The following PNPO variants were observed in gnomAD, a reference collection of about 807,000 sequenced individuals.
The protein encoded by PNPO is pyridoxine-5'-phosphate oxidase.
PNPO carries 39 observed loss-of-function variants against 35.0 expected under a neutral mutation model. The ratio of observed to expected loss-of-function variants is 1.11; its 90% CI spans 0.86 to 1.45. PNPO has a LOEUF of 1.45. Ranked by LOEUF, PNPO falls within the 40% of genes most tolerant of loss-of-function variation. The probability of loss-of-function intolerance (pLI) is 0.00; values close to 1 mark genes in which losing one functional copy is unlikely to be tolerated. For missense variants in PNPO, 288 were observed against 340.0 expected (o/e 0.85, Z 1.20); for synonymous variants, 115 against 119.8 (o/e 0.96, Z 0.26).
Position 47,943,564 on chromosome 17 carries a change from T to C in PNPO, c.263+134T>C, listed in dbSNP as rs2035971154. The C allele has an allele frequency of 2.8e-6, 3 of 1,079,110 alleles. No individual in the cohort carries two copies. In the Admixed American group the frequency reaches 6.0e-5, roughly 21 times the overall value. 66.8% of individuals were successfully genotyped at this position (1,079,110 alleles called of 1,614,324 possible). On this transcript the variant is annotated intron_variant, in intron 2 of 6. Transcript: ENST00000642017. ...TGCTCTGTGGCTTTAGGCAAGATAC[T>C]TGTCCTCTCTGGGCCTGTGTCCTTA...
rs758202034 is a variant in PNPO, at chr17:47,946,610, A to G, written c.618-4A>G. ...AGCACTGAAACCTCTGCTTCTCCTT[A>G]TAGGGGTGGCTATGTCCTGTACCCT... On this transcript the variant is annotated splice_region_variant and splice_polypyrimidine_tract_variant and intron_variant, in intron 6 of 6. Coordinates refer to ENST00000642017, the MANE Select transcript of PNPO (RefSeq NM_018129.4). 1.2e-5 allele frequency: 20 copies of G among 1,613,918 alleles called. No homozygotes were observed. The East Asian group carries it at 2.9e-4, about 23-fold the overall frequency.
chr17:47,947,730 T>C lies in PNPO; in HGVS notation c.*948T>C, dbSNP rs2036029766. On this transcript the variant is annotated 3_prime_UTR_variant, in exon 7 of 7. Transcript: ENST00000642017. ...TTTTAGTAGAGATGGGGTTTCACCA[T>C]GTTGGCCAGGATTGTCTCCATCTCT... is the stretch of plus-strand genomic sequence containing the variant. 1 of 152,170 alleles carries C rather than the reference T, an allele frequency of 6.6e-6. No individual in the cohort carries two copies. The highest frequency in any genetic ancestry group is 6.5e-5 in the Admixed American group (1 of 15,280). 9.4% of individuals were successfully genotyped at this position (152,170 alleles called of 1,614,324 possible).
At chr17:47,944,817 T>A in intron 3 of PNPO, 102 bp downstream of exon 3, 1 of 924,600 alleles carries the variant, frequency 1.1e-6, no homozygotes, top group Non-Finnish European at 1.8e-6. Flanking sequence ...GTCTACTTGC[T>A]CTCTGTGTGC....
Position 47,945,665 on chromosome 17 carries a change from A to G in PNPO, c.417+53A>G. The G allele has an allele frequency of 6.6e-7, 1 of 1,514,090 alleles. No individual in the cohort carries two copies. 93.8% of individuals were successfully genotyped at this position (1,514,090 alleles called of 1,614,324 possible). A position where few individuals can be genotyped will look rare whatever the true frequency, so the allele number is the denominator to read the frequency against. ...GGATGGGCTGGGTTGGCAGGGCCTG[A>G]GTTTATGGCTACGTCTAGCGAAGGT... On this transcript the variant is annotated intron_variant, in intron 4 of 6. Coordinates refer to ENST00000642017, the MANE Select transcript of PNPO (RefSeq NM_018129.4). The surrounding 1 kb of genome is among the most constrained non-coding windows in gnomAD (Gnocchi z 4.0).
intron 2 of PNPO, 145 bp downstream of exon 2, chr17:47,943,575 G>T (rs1345936768): frequency 4.1e-6 from 4 of 987,454 alleles, no homozygotes; most frequent in Admixed American, 2.2e-5. Flanking sequence ...TGTCCTCTCT[G>T]GGCCTGTGTC....
rs1421006178 is a variant in PNPO, at chr17:47,946,308, C to G, written c.547-15C>G. ...ACTGGGCCTGGCCCTTCTTCTAACT[C>G]TTCCCCCTGGACAGTATCTGAGAAA... On this transcript the variant is annotated splice_polypyrimidine_tract_variant and intron_variant, in intron 5 of 6. Coordinates refer to ENST00000642017, the MANE Select transcript of PNPO (RefSeq NM_018129.4). 1.3e-6 allele frequency: 2 copies of G among 1,598,494 alleles called. No homozygotes were observed. Among genetic ancestry groups the G allele is most frequent in the African/African-American group, 1.3e-5 (1 of 74,666 alleles).
In PNPO at chr17:47,944,621, G is replaced by A. The variant is rs1489587035; in HGVS notation, c.269G>A (p.Gly90Glu). The A allele has an allele frequency of 3.7e-6, 6 of 1,613,598 alleles. No homozygotes were observed. The highest frequency in any genetic ancestry group is 4.2e-6 in the Non-Finnish European group (5 of 1,179,614). ...GCTCTGCTCTTTGCTCCTAGAGATG[G>A]AAAACCCTCTGCTCGCATGTTGCTG... is the stretch of plus-strand genomic sequence containing the variant. ...AMCLATCTRD[G>E]KPSARMLLLK... The change falls in exon 3 of 7, where the codon GGA becomes GAA. Residue 90 changes from glycine (G) to glutamate (E), a missense_variant. Transcript: ENST00000642017.
chr17:47,945,076 T>G lies in PNPO; in HGVS notation c.363+361T>G, dbSNP rs2035991002. 2 of 394,616 alleles carry G rather than the reference T, an allele frequency of 5.1e-6. No individual in the cohort carries two copies. The highest frequency in any genetic ancestry group is 9.6e-6 in the Non-Finnish European group (2 of 207,896). 24.4% of individuals were successfully genotyped at this position (394,616 alleles called of 1,614,324 possible). A position where few individuals can be genotyped will look rare whatever the true frequency, so the allele number is the denominator to read the frequency against. ...TTCAGTTTGTAACTGAGCATTTGTT[T>G]GGGTGATTATGTAACTGATATTTGT... On this transcript the variant is annotated intron_variant, in intron 3 of 6. Coordinates refer to ENST00000642017, the MANE Select transcript of PNPO (RefSeq NM_018129.4). The surrounding 1 kb of genome is among the most constrained non-coding windows in gnomAD (Gnocchi z 4.0).
chr17:47,946,733 T>A lies in PNPO; in HGVS notation c.737T>A (p.Met246Lys). The A allele has an allele frequency of 6.2e-7, 1 of 1,614,194 alleles. No homozygotes were observed. Among genetic ancestry groups the A allele is most frequent in the Non-Finnish European group, 8.5e-7 (1 of 1,180,008 alleles). Residue 246 changes from methionine to lysine, a missense_variant, in exon 7 of 7, where the codon ATG becomes AAG. By Grantham distance (95) the Met-to-Lys change is moderately conservative (BLOSUM62 -1). Coordinates refer to ENST00000642017, the MANE Select transcript of PNPO (RefSeq NM_018129.4). The part of the protein sequence containing the change: ...LPTGDSPLGP[M>K]THRGEEDWLY... ...ACAGGAGATTCCCCTTTGGGGCCCATGACCCACCGCGGGGAGGAAGACTGG... is the reference window on the plus strand; with the variant it reads ...ACAGGAGATTCCCCTTTGGGGCCCAAGACCCACCGCGGGGAGGAAGACTGG...
rs1423987420 is a variant in PNPO, at chr17:47,944,679, C to G, written c.327C>G (p.Phe109Leu). 2.5e-6 allele frequency: 4 copies of G among 1,614,148 alleles called. No individual in the cohort carries two copies. In the South Asian group the frequency reaches 3.3e-5, roughly 13 times the overall value. ...LKGFGKDGFR[F>L]FTNFESRKGK... is the part of the protein sequence containing the mutation. ...GCTTCGGGAAAGATGGCTTCCGCTTCTTCACTAACTTCGAGAGTCGAAAAG... is the reference window on the plus strand; with the variant it reads ...GCTTCGGGAAAGATGGCTTCCGCTTGTTCACTAACTTCGAGAGTCGAAAAG... The change falls in exon 3 of 7, where the codon TTC becomes TTG. Residue 109 changes from phenylalanine (F) to leucine (L), a missense_variant. Coordinates refer to ENST00000642017, the MANE Select transcript of PNPO (RefSeq NM_018129.4).
chr17:47,944,502 G>A (rs943500278), intron 2 of PNPO, 114 bp from the exon 3 acceptor site: 3 of 843,456 alleles, frequency 3.6e-6, no homozygotes, highest in Non-Finnish European at 6.2e-6. Context: ...TAGCCTGACA[G>A]CCCAATAAAG....
In PNPO at chr17:47,945,512, C is replaced by T. The variant is rs1272855024; in HGVS notation, c.364-47C>T. On this transcript the variant is annotated intron_variant, in intron 3 of 6. Coordinates refer to ENST00000642017, the MANE Select transcript of PNPO (RefSeq NM_018129.4). This position sits in a 1 kb window ranked among gnomAD's most constrained non-coding sequence, Gnocchi z 4.0. ...CCTTTTCCCTGCATGCCGGAGGCCT[C>T]CTCTCCCTGTCCTGATGGCTGGCTG... 6 of 1,527,232 alleles carry T rather than the reference C, an allele frequency of 3.9e-6. No individual in the cohort carries two copies. The African/African-American group carries it at 5.5e-5, about 14-fold the overall frequency. The allele number at this position is 1,527,232 out of a possible 1,614,324, so 94.6% of individuals were successfully genotyped here.
At position 47,941,707 on chromosome 17, in the gene PNPO, C is replaced by A. The variant is rs1458805589; in HGVS notation, c.32C>A (p.Thr11Lys). 24 of 1,542,040 alleles carry A rather than the reference C, an allele frequency of 1.6e-5. No individual in the cohort carries two copies. The highest frequency in any genetic ancestry group is 2.0e-5 in the Non-Finnish European group (23 of 1,141,260). MTCWLRGVTA[T>K]FGRPAEWPGY... Reference sequence around the variant, plus strand: ...TGCTGGCTGCGGGGCGTCACGGCGACGTTCGGGCGACCTGCCGAGTGGCCA... The same window carrying A: ...TGCTGGCTGCGGGGCGTCACGGCGAAGTTCGGGCGACCTGCCGAGTGGCCA... Residue 11 changes from threonine to lysine, a missense_variant, in exon 1 of 7, where the codon ACG (threonine) becomes AAG (lysine). Physicochemically the swap from Thr to Lys is moderately conservative, Grantham distance 78. Transcript: ENST00000642017.
Position 47,946,362 on chromosome 17 carries a change from C to T in PNPO, c.586C>T (p.Gln196Ter). 6.2e-7 allele frequency: 1 copy of T among 1,613,678 alleles called. No individual in the cohort carries two copies. Among genetic ancestry groups the T allele is most frequent in the Non-Finnish European group, 8.5e-7 (1 of 1,179,628 alleles). ...AAATGAGGAACTGGAACAGCTCTAC[C>T]AGGATCAAGAGGTGCCCAAGCCAAA... ...KKNEELEQLY[Q>*]DQEVPKPKSW... Residue 196 changes from glutamine (Q) to a stop codon, truncating the protein, a stop_gained, in exon 6 of 7, where the codon CAG becomes TAG. Transcript: ENST00000642017. LOFTEE classifies it high-confidence loss of function.
At position 47,945,997 on chromosome 17, in the gene PNPO, G is replaced by A. The variant is rs745918502; in HGVS notation, c.546+8G>A. On this transcript the variant is annotated splice_region_variant and intron_variant, in intron 5 of 6. Coordinates refer to ENST00000642017, the MANE Select transcript of PNPO (RefSeq NM_018129.4). The surrounding 1 kb of genome is among the most constrained non-coding windows in gnomAD (Gnocchi z 4.0). Reference sequence around the variant, plus strand: ...GTGATCCCTGATCGGGAGGTGAGTGGAGCTCCGCTGTAGTCCTCCAGGTGG... The same window carrying A: ...GTGATCCCTGATCGGGAGGTGAGTGAAGCTCCGCTGTAGTCCTCCAGGTGG... 28 of 1,613,590 alleles carry A rather than the reference G, an allele frequency of 1.7e-5. No homozygotes were observed. The highest frequency in any genetic ancestry group is 2.4e-5 in the Non-Finnish European group (28 of 1,180,014).
intron 2 of PNPO, among the ~76,000 whole-genome samples, chr17:47,943,816 GC>G (rs1353190263): frequency 6.6e-6 from 1 of 152,172 alleles, no homozygotes; most frequent in East Asian, 1.9e-4. Context: ...ACAATCATAT[GC>G]CCTTTGAGAC....
chr17:47,941,853 A>G (rs963576983), intron 1 of PNPO, 40 bp downstream of exon 1: 1 of 1,530,990 alleles, frequency 6.5e-7, no homozygotes, highest in Non-Finnish European at 8.8e-7. Flanking sequence ...GGGGCGGGGG[A>G]AAAGGGGTCC....
chr17:47,945,436 G>T lies in PNPO; in HGVS notation c.364-123G>T, dbSNP rs1298771425. 1.8e-5 allele frequency: 14 copies of T among 797,024 alleles called. No individual in the cohort carries two copies. Among genetic ancestry groups the T allele is most frequent in the Non-Finnish European group, 2.7e-5 (12 of 441,896 alleles). 49.4% of individuals were successfully genotyped at this position (797,024 alleles called of 1,614,324 possible). A position where few individuals can be genotyped will look rare whatever the true frequency, so the allele number is the denominator to read the frequency against. ...GGCCTACTTTTGAGGGTTTAAATGAGCTCTTACGGTGGGTGCATCTGCTGT... is the reference window on the plus strand; with the variant it reads ...GGCCTACTTTTGAGGGTTTAAATGATCTCTTACGGTGGGTGCATCTGCTGT... On this transcript the variant is annotated intron_variant, in intron 3 of 6. Transcript: ENST00000642017. This position sits in a 1 kb window ranked among gnomAD's most constrained non-coding sequence, Gnocchi z 4.0.
At chr17:47,942,629 G>A (rs1253963788) in intron 1 of PNPO, among the ~76,000 whole-genome samples, 2 of 152,198 alleles carry the variant, frequency 1.3e-5, no homozygotes, top group Non-Finnish European at 2.9e-5. Context: ...CTCAGGAGGG[G>A]AACCAAGAGA....
Sources: gnomAD v4.1 joint callset for allele counts (sites outside exome capture counted in the v4.1 genomes callset) on GRCh38, gnomAD v4.1.1 for gene constraint, Gnocchi (gnomAD v3.1) non-coding constraint, MANE v1.5 for transcripts, NCBI Gene and HGNC (gene_info 2026-07-23, HGNC 2026-07-21) for gene names.